Variants in LNPK observed in about 807,000 individuals in gnomAD.
LNPK encodes endoplasmic reticulum junction formation protein lunapark.
LNPK carries 29 observed loss-of-function variants against 55.2 expected under a neutral mutation model. The observed-to-expected ratio is 0.53, with a 90% CI of 0.39 to 0.72. The LOEUF is 0.72. Ranked by LOEUF, LNPK falls within the 30% of genes least tolerant of loss-of-function variation. The pLI, the probability that LNPK is intolerant of heterozygous loss-of-function variation, is 0.00. For synonymous variants in LNPK, 162 were observed against 168.2 expected (o/e 0.96, Z 0.29); for missense variants, 467 against 494.8 (o/e 0.94, Z 0.53).
At chr2:175,998,830 G>A (rs1688058115) in intron 1 of LNPK, among the ~76,000 whole-genome samples, 1 of 152,186 alleles carries the variant, frequency 6.6e-6, no homozygotes, top group Admixed American at 6.5e-5. Context: ...CTAGAAGTCT[G>A]CAAGCACAGC....
chr2:175,990,549 A>G (rs1172977863), intron 4 of LNPK, among the ~76,000 whole-genome samples: 1 of 152,186 alleles, frequency 6.6e-6, no homozygotes, highest in African/African-American at 2.4e-5. Flanking sequence ...ACTGTTTCCC[A>G]AAGAAAAAAG....
At chr2:175,997,087 T>C (rs1487857679) in intron 1 of LNPK, among the ~76,000 whole-genome samples, 1 of 152,202 alleles carries the variant, frequency 6.6e-6, no homozygotes. Flanking sequence ...TATATTGTAA[T>C]TAGCATAAGG....
intron 6 of LNPK, chr2:175,967,830 A>G (rs1251270289): frequency 4.8e-6 from 4 of 839,488 alleles, no homozygotes. Flanking sequence ...ACACTGGGAA[A>G]AGCCAGAAAA....
chr2:175,991,561 A>T (rs962503232), intron 4 of LNPK, among the ~76,000 whole-genome samples: 2 of 152,198 alleles, frequency 1.3e-5, no homozygotes, highest in Non-Finnish European at 2.9e-5. Context: ...ATAGCATTTT[A>T]CACTTCTGTT....
intron 8 of LNPK, among the ~76,000 whole-genome samples, chr2:175,958,461 A>G (rs537689583): frequency 1.6e-3 from 250 of 152,288 alleles, no homozygotes; most frequent in African/African-American, 5.9e-3. Context: ...ACTGCAACCG[A>G]CCTGCAGCTG....
chr2:175,973,124 T>C (rs547322724), intron 5 of LNPK, among the ~76,000 whole-genome samples: 1 of 152,328 alleles, frequency 6.6e-6, no homozygotes, highest in South Asian at 2.1e-4. Context: ...CATATATACA[T>C]TGTTTTGCCT....
intron 9 of LNPK, 113 bp downstream of exon 9, chr2:175,947,367 G>T: frequency 1.2e-6 from 1 of 802,032 alleles, no homozygotes. Flanking sequence ...TCAGATAACT[G>T]CTCTGCTATT....
At chr2:175,964,766 C>T (rs549640794) in intron 6 of LNPK, among the ~76,000 whole-genome samples, 177 bp from the exon 7 acceptor site, 3 of 152,222 alleles carry the variant, frequency 2.0e-5, no homozygotes, top group Non-Finnish European at 2.9e-5. Context: ...TAATATGTTA[C>T]TTGTACTTAA....
rs549346319 is a variant in LNPK, at chr2:175,964,111, TATTTAA to T, written c.493+255_493+260del. On this transcript the variant is annotated intron_variant, in intron 8 of 12. Transcript: ENST00000272748. ...AATATTTACAAAATATTGATGAAAT[TATTTAA>T]ATTTTAAAAGATTAAAACCAATGAT... Among the ~76,000 whole-genome samples, 19 of 152,318 alleles carry T rather than the reference TATTTAA, an allele frequency of 1.2e-4. No individual in the cohort carries two copies. The East Asian group carries it at 3.5e-3, about 28-fold the overall frequency.
intron 4 of LNPK, among the ~76,000 whole-genome samples, chr2:175,981,428 A>G (rs1687169229): frequency 6.6e-6 from 1 of 152,192 alleles, no homozygotes; most frequent in Non-Finnish European, 1.5e-5. Flanking sequence ...AGATTAGGGA[A>G]AAATCAGCCA....
chr2:175,970,244 C>G (rs1686591387), intron 6 of LNPK, among the ~76,000 whole-genome samples: 1 of 152,036 alleles, frequency 6.6e-6, no homozygotes, highest in Non-Finnish European at 1.5e-5. Flanking sequence ...ATCAACTAGC[C>G]CCACAATAGA....
chr2:175,946,973 T>C (rs1339287160), intron 9 of LNPK, among the ~76,000 whole-genome samples: 1 of 151,570 alleles, frequency 6.6e-6, no homozygotes, highest in Admixed American at 6.6e-5. Flanking sequence ...TAGAGCTTTA[T>C]AAAATATCTA....
chr2:176,002,329 G>A (rs187709521), upstream of LNPK: 229 of 422,720 alleles, frequency 5.4e-4, 4 homozygotes, highest in East Asian at 0.017. Context: ...TTGGCGCCGC[G>A]GTCGGCGCGC....
At chr2:175,964,715 C>T (rs1197691376) in intron 6 of LNPK, 126 bp from the exon 7 acceptor site, 3 of 619,408 alleles carry the variant, frequency 4.8e-6, no homozygotes, top group Admixed American at 2.9e-5. Context: ...TTCCTACATT[C>T]GAATAATTAA....
intron 8 of LNPK, among the ~76,000 whole-genome samples, chr2:175,963,159 G>A (rs1686140707): frequency 6.7e-6 from 1 of 148,892 alleles, no homozygotes; most frequent in African/African-American, 2.5e-5. Flanking sequence ...ATTCCTCAGG[G>A]ATCTAGAACT....
At chr2:175,985,534 C>T (rs1687365296) in intron 4 of LNPK, among the ~76,000 whole-genome samples, 1 of 151,994 alleles carries the variant, frequency 6.6e-6, no homozygotes, top group Non-Finnish European at 1.5e-5. Context: ...ATTTATAGGT[C>T]GTGTTGGTAT....
Position 175,970,792 on chromosome 2 carries a change from T to G in LNPK, c.329A>C (p.Asp110Ala), listed in dbSNP as rs1686622661. 7.1e-7 allele frequency: 1 copy of G among 1,410,280 alleles called. No homozygotes were observed. Among genetic ancestry groups the G allele is most frequent in the Non-Finnish European group, 9.5e-7 (1 of 1,054,990 alleles). The allele number at this position is 1,410,280 out of a possible 1,614,324, so 87.4% of individuals were successfully genotyped here. The change falls in exon 6 of 13, where the codon GAT (aspartate) becomes GCT (alanine). Residue 110 changes from aspartate (D) to alanine (A), a missense_variant. Asp to Ala is a moderately radical substitution (Grantham distance 126). Transcript: ENST00000272748. ...KRTERNNEALDDLKSQRKKIL... is the reference protein window; with the variant it reads ...KRTERNNEALADLKSQRKKIL... ...TTTTTTCCTCTGGGATTTTAAATCA[T>G]CCAATGCTTCATCTAGAAAGCAAGA...
At position 175,929,948 on chromosome 2, in the gene LNPK, A is replaced by T; in HGVS notation, c.*19T>A. On this transcript the variant is annotated 3_prime_UTR_variant, in exon 13 of 13. Coordinates refer to ENST00000272748, the MANE Select transcript of LNPK (RefSeq NM_030650.3). ...AGTAAGACTATAAATATCCAGTTGA[A>T]GGCACGTGGAAGCATTTACTACTCT... 6.2e-7 allele frequency: 1 copy of T among 1,613,124 alleles called. No individual in the cohort carries two copies. The highest frequency in any genetic ancestry group is 8.5e-7 in the Non-Finnish European group (1 of 1,179,454).
intron 1 of LNPK, among the ~76,000 whole-genome samples, chr2:176,000,839 A>T (rs1049720682): frequency 1.3e-5 from 2 of 152,238 alleles, no homozygotes; most frequent in Admixed American, 6.5e-5. Context: ...CTCCTCAAAA[A>T]GAATTTTAAT....
Sources: allele counts gnomAD v4.1 joint callset (sites outside exome capture counted in the v4.1 genomes callset), GRCh38; gene constraint gnomAD v4.1.1; transcripts MANE v1.5; gene names NCBI Gene and HGNC (gene_info 2026-07-23, HGNC 2026-07-21).